The following COL18A1 variants were observed in gnomAD, a reference collection of about 807,000 sequenced individuals.
COL18A1 encodes the protein collagen alpha-1(XVIII) chain.
Under a neutral mutation model 168.0 loss-of-function variants are expected in COL18A1, and 133 were observed. The ratio of observed to expected loss-of-function variants is 0.79; its 90% confidence interval spans 0.69 to 0.91. COL18A1 has a LOEUF of 0.91. Among genes scored for constraint, COL18A1 ranks in the 40% least tolerant of loss-of-function variants. COL18A1 has a pLI of 0.00. For synonymous variants in COL18A1, 949 were observed against 809.0 expected (o/e 1.17, Z -2.94); for missense variants, 2,126 against 1,925.4 (o/e 1.10, Z -1.95).
intron 2 of COL18A1, among the ~76,000 whole-genome samples, chr21:45,460,310 C>T (rs570051084): frequency 4.6e-5 from 7 of 152,262 alleles, no homozygotes; most frequent in East Asian, 1.9e-4. Context: ...CAGAGTGGGG[C>T]GCAACTGGGC....
intron 38 of COL18A1, among the ~76,000 whole-genome samples, chr21:45,508,476 T>C (rs2037378936): frequency 6.7e-6 from 1 of 149,586 alleles, no homozygotes; most frequent in African/African-American, 2.5e-5. Flanking sequence ...GACAGGTGGG[T>C]GAGTGGATGG....
Position 45,505,998 on chromosome 21 carries a change from G to A in COL18A1, c.3216+32G>A, listed in dbSNP as rs746693548. ...GCTCTGTGTGACGGGTTCTGGACCC[G>A]TGGAAGGGCCGAAGCCGCCTCCTGG... On this transcript the variant is annotated intron_variant, in intron 37 of 41. Coordinates refer to ENST00000651438, the MANE Select transcript of COL18A1 (RefSeq NM_001379500.1). The A allele has an allele frequency of 2.1e-5, 34 of 1,612,528 alleles. No individual in the cohort carries two copies. The East Asian group carries it at 3.6e-4, about 17-fold the overall frequency.
At position 45,505,114 on chromosome 21, in the gene COL18A1, T is replaced by G; in HGVS notation, c.2869-20T>G. On this transcript the variant is annotated intron_variant, in intron 34 of 41. Coordinates refer to ENST00000651438, the MANE Select transcript of COL18A1 (RefSeq NM_001379500.1). ...CAGGGCACGAGGTAACCAGGAAGCGTCTCTTGTCGCCGTCCGTAGGGTCCC... is the reference window on the plus strand; with the variant it reads ...CAGGGCACGAGGTAACCAGGAAGCGGCTCTTGTCGCCGTCCGTAGGGTCCC... 1 of 1,605,380 alleles carries G rather than the reference T, an allele frequency of 6.2e-7. No individual in the cohort carries two copies. Among genetic ancestry groups the G allele is most frequent in the Non-Finnish European group, 8.5e-7 (1 of 1,178,074 alleles).
At position 45,405,174 on chromosome 21, in the gene COL18A1, G is replaced by A; in HGVS notation, c.-57G>A. 2 of 285,976 alleles carry A rather than the reference G, an allele frequency of 7.0e-6. No homozygotes were observed. Among genetic ancestry groups the A allele is most frequent in the Non-Finnish European group, 6.4e-6 (1 of 156,842 alleles). 17.7% of individuals were successfully genotyped at this position (285,976 alleles called of 1,614,324 possible). A position where few individuals can be genotyped will look rare whatever the true frequency, so the allele number is the denominator to read the frequency against. ...GCGGCTGCAGCGCGGCGGTCCGAGC[G>A]GGTGCACCGCGGCGGAGGAGGCAGC... On this transcript the variant is annotated 5_prime_UTR_variant, in exon 1 of 42. Coordinates refer to ENST00000651438, the MANE Select transcript of COL18A1 (RefSeq NM_001379500.1).
At chr21:45,465,413 TGGA>T (rs2035167002) in intron 2 of COL18A1, among the ~76,000 whole-genome samples, 1 of 152,058 alleles carries the variant, frequency 6.6e-6, no homozygotes, top group Admixed American at 6.6e-5. Context: ...TGGGATTTGG[TGGA>T]GGTGTTTGTT....
At chr21:45,490,146 G>A (rs982642054) in intron 19 of COL18A1, 129 bp from the exon 20 acceptor site, 15 of 607,970 alleles carry the variant, frequency 2.5e-5, no homozygotes, top group Middle Eastern at 8.8e-4. Flanking sequence ...CCCCTGCTCA[G>A]GCCCACAGGG....
intron 2 of COL18A1, among the ~76,000 whole-genome samples, chr21:45,408,804 T>C (rs1438437175): frequency 6.6e-6 from 1 of 152,076 alleles, no homozygotes; most frequent in Non-Finnish European, 1.5e-5. Flanking sequence ...GTGGAGCGTA[T>C]GTTGGAGACC....
chr21:45,419,757 A>G (rs2033561745), intron 2 of COL18A1: 2 of 152,164 alleles, frequency 1.3e-5, no homozygotes, highest in African/African-American at 2.4e-5. Flanking sequence ...CTGAAGTCCA[A>G]CAGGAGCATT....
chr21:45,495,209 A>G, intron 28 of COL18A1, 149 bp from the exon 29 acceptor site: 1 of 722,468 alleles, frequency 1.4e-6, no homozygotes, highest in South Asian at 1.6e-5. Flanking sequence ...AAGGGGTGAG[A>G]AGGGCCGGGG....
intron 2 of COL18A1, chr21:45,455,764 C>T (rs537048520): frequency 1.2e-6 from 2 of 1,613,668 alleles, no homozygotes; most frequent in Non-Finnish European, 8.5e-7. Context: ...CAGCCCCTGG[C>T]AGCCCTGAGC....
In COL18A1 at chr21:45,489,497, C is replaced by G; in HGVS notation, c.1935C>G (p.Gly645=). The G allele has an allele frequency of 6.2e-7, 1 of 1,602,552 alleles. No individual in the cohort carries two copies. The highest frequency in any genetic ancestry group is 8.5e-7 in the Non-Finnish European group (1 of 1,174,418). The change falls in exon 19 of 42, where the codon GGC becomes GGG. Residue 645 remains glycine, a synonymous_variant. Coordinates refer to ENST00000651438, the MANE Select transcript of COL18A1 (RefSeq NM_001379500.1). ...PGLPGLKGDP[G]VPGLPGAKGE... ...CTTTTTTCACTTAGGGGGATCCTGG[C>G]GTGCCTGGGCTGCCGGGGGCGAAGG...
intron 26 of COL18A1, chr21:45,493,801 G>A: frequency 3.5e-6 from 2 of 572,052 alleles, no homozygotes; most frequent in Non-Finnish European, 6.2e-6. Flanking sequence ...CCCTACCCCT[G>A]AGCCCACCCT....
At chr21:45,447,012 G>A (rs370795909) in intron 2 of COL18A1, among the ~76,000 whole-genome samples, 18 of 152,274 alleles carry the variant, frequency 1.2e-4, no homozygotes, top group African/African-American at 3.1e-4. Flanking sequence ...AGCTGACACC[G>A]TGCTTGTGGT....
chr21:45,449,868 G>A (rs1201284515), intron 2 of COL18A1, among the ~76,000 whole-genome samples: 1 of 151,838 alleles, frequency 6.6e-6, no homozygotes, highest in Non-Finnish European at 1.5e-5. Context: ...ATGTCAGGGG[G>A]CACTCTGGAA....
chr21:45,481,260 C>T (rs905983623), intron 13 of COL18A1, among the ~76,000 whole-genome samples: 2 of 152,164 alleles, frequency 1.3e-5, no homozygotes, highest in African/African-American at 2.4e-5. Flanking sequence ...TCTCAGGTCC[C>T]CACGGCAGGC....
At chr21:45,446,935 C>A (rs2034515493) in intron 2 of COL18A1, among the ~76,000 whole-genome samples, 1 of 152,134 alleles carries the variant, frequency 6.6e-6, no homozygotes, top group South Asian at 2.1e-4. Context: ...AAGTATTGGA[C>A]AAAATTCAAC....
At chr21:45,439,680 C>T (rs932117890) in intron 2 of COL18A1, among the ~76,000 whole-genome samples, 6 of 152,230 alleles carry the variant, frequency 3.9e-5, no homozygotes, top group Admixed American at 2.0e-4. Context: ...GTGTTCAGAG[C>T]GTGTTTTGCC....
chr21:45,497,460 C>T, intron 31 of COL18A1, 139 bp from the exon 32 acceptor site: 6 of 1,222,002 alleles, frequency 4.9e-6, no homozygotes, highest in Non-Finnish European at 5.8e-6. Context: ...CCAGCAGCTC[C>T]TACCCTGACT....
rs1034814219 is a variant in COL18A1, at chr21:45,498,949, G to A, written c.2683+1288G>A. ...GACCTGTGTATAGGTTTTGGTCGAC[G>A]TGGGATTGCTTGTCCCTGGGAGCCA... On this transcript the variant is annotated intron_variant, in intron 32 of 41. Coordinates refer to ENST00000651438, the MANE Select transcript of COL18A1 (RefSeq NM_001379500.1). The surrounding 1 kb of genome is among the most constrained non-coding windows in gnomAD (Gnocchi z 4.5). 3.3e-5 allele frequency among the ~76,000 whole-genome samples: 5 copies of A among 152,188 alleles called. No individual in the cohort carries two copies. The highest frequency in any genetic ancestry group is 2.9e-5 in the Non-Finnish European group (2 of 68,034).
Sources: gnomAD v4.1 joint callset for allele counts (sites outside exome capture counted in the v4.1 genomes callset) on GRCh38, gnomAD v4.1.1 for gene constraint, Gnocchi (gnomAD v3.1) non-coding constraint, MANE v1.5 for transcripts, NCBI Gene and HGNC (gene_info 2026-07-23, HGNC 2026-07-21) for gene names.